GALNT13: variants seen among roughly 807,000 people sequenced by gnomAD.
GALNT13 encodes the protein polypeptide N-acetylgalactosaminyltransferase 13.
GALNT13 carries 28 observed loss-of-function variants against 64.2 expected under a neutral mutation model. That is an observed-to-expected ratio of 0.44 (90% CI 0.32 to 0.60). The LOEUF is 0.60. Among genes scored for constraint, GALNT13 ranks in the 20% least tolerant of loss-of-function variants. GALNT13 has a pLI of 0.05. For synonymous variants in GALNT13, 214 were observed against 224.6 expected, an observed-to-expected ratio of 0.95 and a Z score of 0.42; for missense variants, 577 against 669.8, an observed-to-expected ratio of 0.86 and a Z score of 1.53.
chr2:154,256,976 TAGAAC>T (rs1438272766), intron 7 of GALNT13, among the ~76,000 whole-genome samples: 9 of 152,140 alleles, frequency 5.9e-5, no homozygotes, highest in Admixed American at 2.0e-4. Context: ...GCAGTTAACT[TAGAAC>T]AGAACGTGTT....
chr2:153,819,553 T>TCAGCTCTGCC, the GALNT13 span, among the ~76,000 whole-genome samples: 1 of 152,206 alleles, frequency 6.6e-6, no homozygotes, highest in East Asian at 1.9e-4. Context: ...AGTCAGGGGC[T>TCAGCTCTGCC]CAGCTCTGCC....
At chr2:153,891,756 C>T (rs1687567195) in intron 1 of GALNT13, among the ~76,000 whole-genome samples, 1 of 151,968 alleles carries the variant, frequency 6.6e-6, no homozygotes, top group Non-Finnish European at 1.5e-5. Flanking sequence ...TGTTAAAAAC[C>T]TTCAAAAGCT....
chr2:154,320,931 A>G (rs1694590085), intron 9 of GALNT13, among the ~76,000 whole-genome samples: 2 of 152,184 alleles, frequency 1.3e-5, no homozygotes, highest in African/African-American at 2.4e-5. Context: ...AACTTTTCCA[A>G]TAAGAATTAC....
chr2:153,432,725 A>T, the GALNT13 span, among the ~76,000 whole-genome samples: 1 of 150,598 alleles, frequency 6.6e-6, no homozygotes, highest in Non-Finnish European at 1.5e-5. Flanking sequence ...GGGGGTGGGG[A>T]GGTGGTTGGG....
At chr2:154,089,893 A>G (rs940696403) in intron 3 of GALNT13, among the ~76,000 whole-genome samples, 9 of 149,464 alleles carry the variant, frequency 6.0e-5, no homozygotes, top group Non-Finnish European at 1.2e-4. Context: ...AGATTCTGCC[A>G]TCATTCTAGA....
chr2:153,373,304 G>C, the GALNT13 span, among the ~76,000 whole-genome samples: 1 of 152,054 alleles, frequency 6.6e-6, no homozygotes, highest in Non-Finnish European at 1.5e-5. Flanking sequence ...AAAACAAAGA[G>C]TATTTACTAA....
the GALNT13 span, among the ~76,000 whole-genome samples, chr2:153,285,484 T>A: frequency 1.6e-4 from 24 of 152,296 alleles, no homozygotes; most frequent in Non-Finnish European, 2.6e-4. Flanking sequence ...TTCAGTGTTA[T>A]CAAAACTGCC....
At chr2:153,487,290 A>G in the GALNT13 span, among the ~76,000 whole-genome samples, 18 of 152,364 alleles carry the variant, frequency 1.2e-4, no homozygotes, top group African/African-American at 4.1e-4. Context: ...ACAATAGTCC[A>G]ACATTTACTG....
the GALNT13 span, chr2:153,446,752 A>G: frequency 6.6e-6 from 1 of 152,160 alleles, no homozygotes. Context: ...ACCCAGTAAT[A>G]GGTCATGGAA....
intron 4 of GALNT13, among the ~76,000 whole-genome samples, chr2:154,220,240 T>A (rs1688256134): frequency 6.6e-6 from 1 of 152,018 alleles, no homozygotes; most frequent in South Asian, 2.1e-4. Context: ...ACAAATTTTA[T>A]CCATGAGCCA....
intron 2 of GALNT13, among the ~76,000 whole-genome samples, chr2:153,905,974 G>A (rs1688533345): frequency 6.6e-6 from 1 of 151,912 alleles, no homozygotes; most frequent in South Asian, 2.1e-4. Flanking sequence ...AATGATTAAA[G>A]TCCTAGGAGG....
At chr2:154,254,914 G>A (rs1348252141) in intron 7 of GALNT13, among the ~76,000 whole-genome samples, 4 of 152,184 alleles carry the variant, frequency 2.6e-5, no homozygotes, top group Non-Finnish European at 5.9e-5. Flanking sequence ...AAGTGCCCCT[G>A]AGAGACCCTT....
At chr2:154,132,323 T>C (rs1328044042) in intron 3 of GALNT13, among the ~76,000 whole-genome samples, 2 of 114,486 alleles carry the variant, frequency 1.7e-5, no homozygotes, top group Non-Finnish European at 3.6e-5. Flanking sequence ...TGCTGATATA[T>C]GCATATACTT....
chr2:153,561,388 G>A, the GALNT13 span, among the ~76,000 whole-genome samples: 3 of 151,942 alleles, frequency 2.0e-5, no homozygotes, highest in East Asian at 3.9e-4. Context: ...TTGGGAATGG[G>A]ACCTGAATCT....
the GALNT13 span, among the ~76,000 whole-genome samples, chr2:153,310,056 C>T: frequency 6.6e-6 from 1 of 152,262 alleles, no homozygotes; most frequent in South Asian, 2.1e-4. Flanking sequence ...ACGTCCTCCT[C>T]TAAAATTTTT....
At chr2:154,300,195 C>T (rs1193203523) in intron 8 of GALNT13, among the ~76,000 whole-genome samples, 4 of 150,660 alleles carry the variant, frequency 2.7e-5, no homozygotes, top group Non-Finnish European at 4.4e-5. Flanking sequence ...CTCTGCCTCC[C>T]GAGTTCAAGC....
At chr2:153,932,127 A>C (rs950257372) in intron 2 of GALNT13, among the ~76,000 whole-genome samples, 87 of 152,104 alleles carry the variant, frequency 5.7e-4, no homozygotes, top group African/African-American at 2.1e-3. Flanking sequence ...ATTTCTGTGG[A>C]GTCAGTGATA....
the GALNT13 span, among the ~76,000 whole-genome samples, chr2:153,244,063 G>GA: frequency 2.9e-5 from 4 of 139,396 alleles, no homozygotes; most frequent in African/African-American, 1.4e-4. Flanking sequence ...GTACTATTGA[G>GA]AAAAAATGAA....
chr2:153,879,742 A>G (rs1165237739), intron 1 of GALNT13, among the ~76,000 whole-genome samples: 1 of 152,086 alleles, frequency 6.6e-6, no homozygotes, highest in Non-Finnish European at 1.5e-5. Flanking sequence ...TCTTTTCCCT[A>G]TTTGAGTAAG....
Sources: allele counts gnomAD v4.1 joint callset (sites outside exome capture counted in the v4.1 genomes callset), GRCh38; gene constraint gnomAD v4.1.1; transcripts MANE v1.5; gene names NCBI Gene and HGNC (gene_info 2026-07-23, HGNC 2026-07-21).